The following SERPINB12 variants were observed in gnomAD, a reference collection of about 807,000 sequenced individuals.
SERPINB12 encodes serpin family B member 12.
Under a neutral mutation model 41.1 loss-of-function variants are expected in SERPINB12, and 57 were observed. The observed-to-expected ratio is 1.39, with a 90% CI of 1.12 to 1.73. SERPINB12 has a LOEUF of 1.73. SERPINB12 is among the 40% of genes most tolerant of loss of function. The probability of loss-of-function intolerance (pLI) is 0.00; values close to 1 mark genes in which losing one functional copy is unlikely to be tolerated. For synonymous variants in SERPINB12, 180 were observed against 181.3 expected (o/e 0.99, Z 0.06); for missense variants, 536 against 501.9 (o/e 1.07, Z -0.65).
At chr18:63,532,383 A>G in the SERPINB12 span, among the ~76,000 whole-genome samples, 1 of 152,164 alleles carries the variant, frequency 6.6e-6, no homozygotes, top group Non-Finnish European at 1.5e-5. Flanking sequence ...ACTTATCACT[A>G]GTTTATCACA....
the SERPINB12 span, among the ~76,000 whole-genome samples, chr18:63,531,080 C>T: frequency 1.5e-3 from 222 of 152,254 alleles, no homozygotes; most frequent in African/African-American, 5.0e-3. Flanking sequence ...AACATTGTAG[C>T]CTGAAGAGTG....
At chr18:63,526,359 G>A in the SERPINB12 span, among the ~76,000 whole-genome samples, 2 of 152,082 alleles carry the variant, frequency 1.3e-5, no homozygotes, top group African/African-American at 4.8e-5. Flanking sequence ...CCAGGCTGGA[G>A]TGCAGTGGTG....
At position 63,556,278 on chromosome 18, in the gene SERPINB12, G is replaced by A. The variant is rs1440897093; in HGVS notation, c.119G>A (p.Gly40Asp). Residue 40 changes from glycine (G) to aspartate (D), a missense_variant, in exon 2 of 8, where the codon GGT (glycine) becomes GAT (aspartate). By Grantham distance (94) the Gly-to-Asp change is moderately conservative. Coordinates refer to ENST00000382768, the MANE Select transcript of SERPINB12 (RefSeq NM_001307928.2). ...FSPLSLSAAL[G>D]MVRLGARSDS... Reference sequence around the variant, plus strand: ...CCCCTGAGCCTCTCAGCTGCCCTTGGTATGGTACGCTTGGGTGCTAGAAGT... The same window carrying A: ...CCCCTGAGCCTCTCAGCTGCCCTTGATATGGTACGCTTGGGTGCTAGAAGT... 3 of 1,614,036 alleles carry A rather than the reference G, an allele frequency of 1.9e-6. No homozygotes were observed. The highest frequency in any genetic ancestry group is 3.3e-5 in the Admixed American group (2 of 60,014).
At chr18:63,527,039 C>A in the SERPINB12 span, among the ~76,000 whole-genome samples, 2 of 152,136 alleles carry the variant, frequency 1.3e-5, no homozygotes, top group African/African-American at 4.8e-5. Context: ...ATATTATAAT[C>A]GTATGAAACC....
At position 63,556,241 on chromosome 18, in the gene SERPINB12, A is replaced by G; in HGVS notation, c.82A>G (p.Ile28Val). Reference sequence around the variant, plus strand: ...AGGCAAAGATGATCGTCATAAAAACATATTTTTCTCTCCCCTGAGCCTCTC... The same window carrying G: ...AGGCAAAGATGATCGTCATAAAAACGTATTTTTCTCTCCCCTGAGCCTCTC... ...EIGKDDRHKNIFFSPLSLSAA... is the reference protein window; with the variant it reads ...EIGKDDRHKNVFFSPLSLSAA... The change falls in exon 2 of 8, where the codon ATA (isoleucine) becomes GTA (valine). Residue 28 changes from isoleucine (I) to valine (V), a missense_variant. Coordinates refer to ENST00000382768, the MANE Select transcript of SERPINB12 (RefSeq NM_001307928.2). 6.2e-7 allele frequency: 1 copy of G among 1,614,086 alleles called. No individual in the cohort carries two copies. The highest frequency in any genetic ancestry group is 8.5e-7 in the Non-Finnish European group (1 of 1,179,978).
chr18:63,553,274 A>C (rs995392130), intron 1 of SERPINB12, among the ~76,000 whole-genome samples: 6 of 152,212 alleles, frequency 3.9e-5, no homozygotes, highest in Admixed American at 2.0e-4. Context: ...GTGATCTAGG[A>C]GGAAGCAGCC....
At chr18:63,563,906 AAAAAAAAAT>A (rs2144350107) in intron 5 of SERPINB12, 63 bp from the exon 6 acceptor site, 3 of 1,407,270 alleles carry the variant, frequency 2.1e-6, no homozygotes, top group African/African-American at 1.6e-5. Flanking sequence ...CAAAAAAAAA[AAAAAAAAAT>A]TATCTACACA....
chr18:63,525,117 AT>A, the SERPINB12 span, among the ~76,000 whole-genome samples: 1 of 152,026 alleles, frequency 6.6e-6, no homozygotes, highest in African/African-American at 2.4e-5. Flanking sequence ...CACAGCTATA[AT>A]TTTTTAATTT....
At chr18:63,543,709 G>A (rs1243650429) in intron 1 of SERPINB12, among the ~76,000 whole-genome samples, 1 of 151,892 alleles carries the variant, frequency 6.6e-6, no homozygotes, top group Non-Finnish European at 1.5e-5. Context: ...TGATTCTCCT[G>A]CCTCAGCCTC....
At chr18:63,534,528 C>A in the SERPINB12 span, among the ~76,000 whole-genome samples, 1 of 152,190 alleles carries the variant, frequency 6.6e-6, no homozygotes, top group African/African-American at 2.4e-5. Context: ...AAAAGCTAGA[C>A]TCTGCTGATA....
At chr18:63,559,003 CTTCTTTCTTTCT>C (rs374734513) in intron 3 of SERPINB12, among the ~76,000 whole-genome samples, 12 of 78,602 alleles carry the variant, frequency 1.5e-4, no homozygotes, top group South Asian at 1.0e-3. Flanking sequence ...TCTTTCCTTC[CTTCTTTCTTTCT>C]TTCTTTCTTT....
rs748071911 is a variant in SERPINB12 at position 63,566,681 on chromosome 18, C to T, written c.948C>T (p.Val316=). The T allele has an allele frequency of 1.9e-6, 3 of 1,614,060 alleles. No individual in the cohort carries two copies. Among genetic ancestry groups the T allele is most frequent in the Non-Finnish European group, 2.5e-6 (3 of 1,179,982 alleles). ...SSENMSEESV[V]LSFPRFTLED... is the part of the protein sequence containing the mutation. The stretch of plus-strand genomic sequence containing the variant: ...AAAACATGTCAGAAGAATCGGTGGT[C>T]CTGTCCTTCCCCCGGTTCACCCTGG... The change falls in exon 8 of 8, where the codon GTC becomes GTT. Residue 316 remains valine (V), a synonymous_variant. Coordinates refer to ENST00000382768, the MANE Select transcript of SERPINB12 (RefSeq NM_001307928.2).
In SERPINB12 at chr18:63,566,859, G is replaced by T; in HGVS notation, c.1126G>T (p.Gly376Cys). ...HKTFVEVDEN[G>C]TQAAAATGAV... is the part of the protein sequence containing the mutation. ...AACCTTTGTGGAGGTGGATGAAAAC[G>T]GTACCCAGGCAGCTGCAGCCACTGG... The change falls in exon 8 of 8, where the codon GGT becomes TGT. Residue 376 changes from glycine (G) to cysteine (C), a missense_variant. By Grantham distance (159) the Gly-to-Cys change is radical. Coordinates refer to ENST00000382768, the MANE Select transcript of SERPINB12 (RefSeq NM_001307928.2). 5 of 1,614,090 alleles carry T rather than the reference G, an allele frequency of 3.1e-6. No individual in the cohort carries two copies. Among genetic ancestry groups the T allele is most frequent in the Non-Finnish European group, 4.2e-6 (5 of 1,180,000 alleles).
Position 63,558,392 on chromosome 18 carries a change from A to T in SERPINB12, c.209A>T (p.Glu70Val). 2 of 1,614,004 alleles carry T rather than the reference A, an allele frequency of 1.2e-6. No individual in the cohort carries two copies. The highest frequency in any genetic ancestry group is 1.7e-6 in the Non-Finnish European group (2 of 1,179,886). Residue 70 changes from glutamate to valine, a missense_variant, in exon 3 of 8, where the codon GAA becomes GTA. By Grantham distance (121) the Glu-to-Val change is moderately radical (BLOSUM62 -2). Transcript: ENST00000382768. Reference sequence around the variant, plus strand: ...GAATTTTCCCAGAATGAAAGCAAAGAACCTGACCCTTGTCTGAAAAGCAAC... The same window carrying T: ...GAATTTTCCCAGAATGAAAGCAAAGTACCTGACCCTTGTCTGAAAAGCAAC... ...FNEFSQNESK[E>V]PDPCLKSNKQ...
At chr18:63,540,333 T>C (rs987576170), upstream of SERPINB12, among the ~76,000 whole-genome samples, 2 of 152,144 alleles carry the variant, frequency 1.3e-5, no homozygotes, top group Non-Finnish European at 2.9e-5. Context: ...GGAGTACAAT[T>C]CAACACGATG....
chr18:63,562,787 T>C (rs1037870230), intron 5 of SERPINB12, among the ~76,000 whole-genome samples: 1 of 152,206 alleles, frequency 6.6e-6, no homozygotes, highest in African/African-American at 2.4e-5. Flanking sequence ...ATTTGAAATG[T>C]AGATGATGTC....
At position 63,564,046 on chromosome 18, in the gene SERPINB12, GTT is replaced by G. The variant is rs1911009235; in HGVS notation, c.633_634del (p.Tyr212LeufsTer10). ...AETVLVLVNAVYFKAKWETYF... is the reference protein window; with the variant it reads ...AETVLVLVNAXYFKAKWETYF... ...GACTGTGCTGGTACTGGTGAATGCTGTTTACTTCAAGGCCAAATGGGAAACAT... is the reference window on the plus strand; with the variant it reads ...GACTGTGCTGGTACTGGTGAATGCTGTACTTCAAGGCCAAATGGGAAACAT... On this transcript the variant is annotated frameshift_variant, in exon 6 of 8. Transcript: ENST00000382768. LOFTEE classifies it high-confidence loss of function. 4.3e-6 allele frequency: 7 copies of G among 1,614,074 alleles called. No individual in the cohort carries two copies. The highest frequency in any genetic ancestry group is 1.6e-4 in the Middle Eastern group (1 of 6,062).
upstream of SERPINB12, among the ~76,000 whole-genome samples, chr18:63,537,589 C>T (rs2144540222): frequency 6.6e-6 from 1 of 152,264 alleles, no homozygotes; most frequent in South Asian, 2.1e-4. Context: ...AATATTCTTT[C>T]ATGCCCAATA....
intron 1 of SERPINB12, among the ~76,000 whole-genome samples, chr18:63,553,688 G>T (rs1169855980): frequency 6.6e-6 from 1 of 151,996 alleles, no homozygotes; most frequent in African/African-American, 2.4e-5. Flanking sequence ...ATACAACAAA[G>T]GTTTTAAAAA....
Sources: allele counts gnomAD v4.1 joint callset (sites outside exome capture counted in the v4.1 genomes callset), GRCh38; gene constraint gnomAD v4.1.1; transcripts MANE v1.5; gene names NCBI Gene and HGNC (gene_info 2026-07-23, HGNC 2026-07-21).